The following LPP variants were observed in gnomAD, a reference collection of about 807,000 sequenced individuals.
LPP encodes the protein LIM domain containing preferred translocation partner in lipoma.
LPP carries 38 observed loss-of-function variants against 60.4 expected under a neutral mutation model. The observed-to-expected ratio is 0.63, with a 90% CI of 0.49 to 0.83. The LOEUF is 0.83. Among genes scored for constraint, LPP ranks in the 40% least tolerant of loss-of-function variants. The pLI is 0.00. For missense variants in LPP, 902 were observed against 783.6 expected (o/e 1.15, Z -1.80); for synonymous variants, 328 against 290.8 (o/e 1.13, Z -1.30).
chr3:188,336,188 G>A (rs915231046), intron 2 of LPP, among the ~76,000 whole-genome samples: 2 of 152,170 alleles, frequency 1.3e-5, no homozygotes, highest in Non-Finnish European at 1.5e-5. Context: ...TGACCTACAA[G>A]CAAGTGCAGT....
intron 9 of LPP, among the ~76,000 whole-genome samples, chr3:188,862,712 C>CAAAAAAAAAAAAAAGAAAAAAAAAA (rs140751676): frequency 1.8e-5 from 1 of 55,662 alleles, no homozygotes; most frequent in African/African-American, 6.8e-5. Context: ...CCCTACTAGA[C>CAAAAAAAAAAAAAAGAAAAAAAAAA]AAAAAAATAA....
chr3:188,501,075 C>T (rs1811689067), intron 5 of LPP, among the ~76,000 whole-genome samples: 1 of 151,892 alleles, frequency 6.6e-6, no homozygotes, highest in Non-Finnish European at 1.5e-5. Context: ...ATTATTTCTT[C>T]CCTTCTGGTA....
At chr3:188,693,340 A>G (rs999190034) in intron 7 of LPP, among the ~76,000 whole-genome samples, 5 of 152,144 alleles carry the variant, frequency 3.3e-5, no homozygotes, top group African/African-American at 1.2e-4. Context: ...TCATTGTATT[A>G]TTTGAGAAGT....
intron 5 of LPP, among the ~76,000 whole-genome samples, chr3:188,509,247 C>A (rs1197975289): frequency 6.6e-6 from 1 of 152,168 alleles, no homozygotes; most frequent in Non-Finnish European, 1.5e-5. Flanking sequence ...AGAAGACTTA[C>A]CGTATGCTTA....
intron 2 of LPP, among the ~76,000 whole-genome samples, chr3:188,300,010 A>T (rs1749227002): frequency 6.6e-6 from 1 of 152,250 alleles, no homozygotes; most frequent in African/African-American, 2.4e-5. Context: ...GACTTTTATC[A>T]TCCCTAAAAC....
intron 4 of LPP, among the ~76,000 whole-genome samples, chr3:188,457,103 T>C (rs1560428999): frequency 6.6e-6 from 1 of 152,180 alleles, no homozygotes; most frequent in East Asian, 1.9e-4. Context: ...ACATGGGTGA[T>C]AGACAGAGTA....
At chr3:188,485,124 G>A (rs1237762882) in intron 5 of LPP, among the ~76,000 whole-genome samples, 3 of 152,090 alleles carry the variant, frequency 2.0e-5, no homozygotes, top group South Asian at 4.1e-4. Context: ...TGGTTAATGT[G>A]GATCCTTTTG....
intron 4 of LPP, among the ~76,000 whole-genome samples, chr3:188,454,932 G>C (rs752073435): frequency 1.3e-5 from 2 of 152,186 alleles, no homozygotes; most frequent in African/African-American, 4.8e-5. Context: ...CAAGTTACCT[G>C]CTTATCTAAA....
chr3:188,580,209 TTAAG>T (rs1433317394), intron 6 of LPP, among the ~76,000 whole-genome samples: 5 of 151,942 alleles, frequency 3.3e-5, no homozygotes, highest in African/African-American at 4.8e-5. Context: ...ACTCTTGAAA[TTAAG>T]TATTTTCTCA....
In LPP at chr3:188,866,283, C is replaced by T. The variant is rs146024725; in HGVS notation, c.1494C>T (p.His498=). The T allele has an allele frequency of 4.2e-4, 667 of 1,593,840 alleles. No individual in the cohort carries two copies. The highest frequency in any genetic ancestry group is 5.2e-4 in the Non-Finnish European group (612 of 1,169,682). The change falls in exon 10 of 12, where the codon CAC becomes CAT. Residue 498 remains histidine (H), a synonymous_variant. Transcript: ENST00000617246. ...CCACCGGGAAGGCCTATCATCCTCA[C>T]TGTTTCACCTGCGTGATGTGCCACC... The part of the protein sequence containing the change: ...LRATGKAYHP[H]CFTCVMCHRS...
intron 4 of LPP, among the ~76,000 whole-genome samples, chr3:188,409,907 C>T (rs1163075523): frequency 3.3e-5 from 5 of 152,144 alleles, no homozygotes; most frequent in South Asian, 4.1e-4. Flanking sequence ...TGCTCTGAGC[C>T]GAGTTGGCAC....
intron 4 of LPP, among the ~76,000 whole-genome samples, chr3:188,432,832 G>A (rs1229921159): frequency 1.3e-5 from 2 of 152,134 alleles, no homozygotes; most frequent in Non-Finnish European, 2.9e-5. Context: ...CCTGAAATGT[G>A]TGGATGGGAG....
At chr3:188,573,845 C>T (rs1452532570) in intron 6 of LPP, among the ~76,000 whole-genome samples, 1 of 151,842 alleles carries the variant, frequency 6.6e-6, no homozygotes, top group Non-Finnish European at 1.5e-5. Flanking sequence ...GAAAAGAGGG[C>T]GTCTCTAATC....
In LPP at chr3:188,225,424, GAGACAGAGCAGA is replaced by G. The variant is rs1385944674; in HGVS notation, c.-162_-151del. Reference sequence around the variant, plus strand: ...TCATAGGTGGGAACTTTGAGGCTCAGAGACAGAGCAGAAGACAGAACCTGGTCTTCTGATTCC... The same window carrying G: ...TCATAGGTGGGAACTTTGAGGCTCAGAGACAGAACCTGGTCTTCTGATTCC... On this transcript the variant is annotated 5_prime_UTR_variant, in exon 2 of 12. Coordinates refer to ENST00000617246, the MANE Select transcript of LPP (RefSeq NM_001375462.1). 1.3e-5 allele frequency: 2 copies of G among 152,182 alleles called. No individual in the cohort carries two copies. The highest frequency in any genetic ancestry group is 4.8e-5 in the African/African-American group (2 of 41,454). The allele number at this position is 152,182 out of a possible 1,614,324, so 9.4% of individuals were successfully genotyped here. A position where few individuals can be genotyped will look rare whatever the true frequency, so the allele number is the denominator to read the frequency against.
intron 2 of LPP, among the ~76,000 whole-genome samples, chr3:188,283,640 A>G (rs1577836322): frequency 6.6e-6 from 1 of 152,184 alleles, no homozygotes; most frequent in African/African-American, 2.4e-5. Flanking sequence ...ATACTAAGGA[A>G]AGAGAAAAAG....
At chr3:188,454,950 A>G (rs1797404649) in intron 4 of LPP, among the ~76,000 whole-genome samples, 1 of 152,204 alleles carries the variant, frequency 6.6e-6, no homozygotes, top group African/African-American at 2.4e-5. Context: ...AAAGTTTTAG[A>G]AGGTGTTCAC....
chr3:188,312,828 T>G (rs1753874744), intron 2 of LPP: 1 of 152,156 alleles, frequency 6.6e-6, no homozygotes, highest in Non-Finnish European at 1.5e-5. Context: ...GTTCATGTCC[T>G]TTGTAGGGAC....
chr3:188,870,691 C>T (rs909380147), intron 10 of LPP, among the ~76,000 whole-genome samples: 15 of 152,238 alleles, frequency 9.9e-5, no homozygotes, highest in Non-Finnish European at 1.9e-4. Flanking sequence ...GATTATTGTC[C>T]ACTCAGTGAG....
chr3:188,874,073 TCTC>T (rs2152061427), intron 11 of LPP, among the ~76,000 whole-genome samples: 2 of 135,620 alleles, frequency 1.5e-5, no homozygotes, highest in African/African-American at 5.0e-5. Context: ...GGTGGCCTCT[TCTC>T]TTCTTATACC....
Sources: gnomAD v4.1 joint callset for allele counts (sites outside exome capture counted in the v4.1 genomes callset) on GRCh38, gnomAD v4.1.1 for gene constraint, MANE v1.5 for transcripts, NCBI Gene and HGNC (gene_info 2026-07-23, HGNC 2026-07-21) for gene names.